DNMT3A: variants seen among roughly 807,000 people sequenced by gnomAD.
DNMT3A encodes DNA (cytosine-5)-methyltransferase 3A.
A neutral mutation model predicts 117.6 loss-of-function variants in DNMT3A; 267 were observed. That is an observed-to-expected ratio of 2.27 (90% CI 2.05 to 2.51). The LOEUF (loss-of-function observed/expected upper bound fraction) is 2.51, where lower values mean the gene tolerates loss of function less well. Among genes scored for constraint, DNMT3A ranks in the 30% most tolerant of loss-of-function variants. DNMT3A has a pLI of 0.00. For synonymous variants in DNMT3A, 432 were observed against 474.8 expected (o/e 0.91, Z 1.17); for missense variants, 1,029 against 1,260.2 (o/e 0.82, Z 2.78).
At chr2:25,274,812 A>G (rs2031258984) in intron 6 of DNMT3A, 129 bp downstream of exon 6, 1 of 1,316,668 alleles carries the variant, frequency 7.6e-7, no homozygotes, top group Non-Finnish European at 1.0e-6. Flanking sequence ...TGAACCAGTC[A>G]TCATGACTAG....
intron 6 of DNMT3A, among the ~76,000 whole-genome samples, chr2:25,249,193 A>C (rs1434740961): frequency 6.6e-6 from 1 of 152,132 alleles, no homozygotes; most frequent in Non-Finnish European, 1.5e-5. Context: ...GGAGTTCAAG[A>C]CCAGCCTGGG....
intron 2 of DNMT3A, among the ~76,000 whole-genome samples, chr2:25,302,402 AAAGAGGGCAATTT>A (rs1282490965): frequency 3.9e-5 from 6 of 152,226 alleles, no homozygotes; most frequent in African/African-American, 1.4e-4. Flanking sequence ...GAGAAGGACC[AAAGAGGGCAATTT>A]AAGGAGCACA....
At chr2:25,331,649 A>T (rs10196635) in intron 1 of DNMT3A, among the ~76,000 whole-genome samples, 13,773 of 152,234 alleles carry the variant, frequency 0.09, 665 homozygotes, top group East Asian at 0.1. Context: ...TCCCAATGCA[A>T]GGGTGCGAGC....
chr2:25,282,809 C>T lies in DNMT3A; in HGVS notation c.178-98G>A. The T allele has an allele frequency of 7.2e-7, 1 of 1,386,554 alleles. No homozygotes were observed. The highest frequency in any genetic ancestry group is 9.6e-7 in the Non-Finnish European group (1 of 1,039,010). The allele number at this position is 1,386,554 out of a possible 1,614,324, so 85.9% of individuals were successfully genotyped here. On this transcript the variant is annotated intron_variant, in intron 3 of 22. Coordinates refer to ENST00000321117, the MANE Select transcript of DNMT3A (RefSeq NM_022552.5). The surrounding 1 kb of genome is among the most constrained non-coding windows in gnomAD (Gnocchi z 5.2). ...CTCTGAAATTCTAGAGAATGTTATG[C>T]ACTTTCTGTCCAGAAACTGTGTTCA...
Position 25,237,993 on chromosome 2 carries a change from C to T in DNMT3A, c.2409-988G>A, listed in dbSNP as rs550047396. 5.1e-4 allele frequency among the ~76,000 whole-genome samples: 77 copies of T among 152,256 alleles called. No homozygotes were observed. The highest frequency in any genetic ancestry group is 9.6e-4 in the Non-Finnish European group (65 of 68,052). On this transcript the variant is annotated intron_variant, in intron 20 of 22. Coordinates refer to ENST00000321117, the MANE Select transcript of DNMT3A (RefSeq NM_022552.5). The surrounding 1 kb of genome is among the most constrained non-coding windows in gnomAD (Gnocchi z 5.4). ...GCCTGCAGTCAAATCAGGTGCTCGA[C>T]AGATGTCCCCGACTCTTTATGCGTG... is the stretch of plus-strand genomic sequence containing the variant.
chr2:25,249,799 C>T, intron 6 of DNMT3A: 1 of 1,537,500 alleles, frequency 6.5e-7, no homozygotes, highest in Non-Finnish European at 9.0e-7. Context: ...GGAAACACGG[C>T]CCTCTGACTT....
chr2:25,319,773 C>CT (rs1351746396), intron 1 of DNMT3A, among the ~76,000 whole-genome samples: 2,867 of 144,240 alleles, frequency 0.02, 34 homozygotes, highest in African/African-American at 0.029. Flanking sequence ...TTCTTTCTTT[C>CT]TTTTTTTTTT....
At chr2:25,308,794 A>C (rs1210882840) in intron 2 of DNMT3A, among the ~76,000 whole-genome samples, 1 of 152,196 alleles carries the variant, frequency 6.6e-6, no homozygotes, top group Non-Finnish European at 1.5e-5. Context: ...CGCGGGCAGC[A>C]AGAATGACTG....
At chr2:25,292,567 C>G (rs2032836374) in intron 3 of DNMT3A, among the ~76,000 whole-genome samples, 1 of 152,128 alleles carries the variant, frequency 6.6e-6, no homozygotes, top group Non-Finnish European at 1.5e-5. Flanking sequence ...CCTCTGCCCC[C>G]CAGCTGTGCT....
At chr2:25,288,467 A>T (rs938324593) in intron 3 of DNMT3A, among the ~76,000 whole-genome samples, 9 of 151,798 alleles carry the variant, frequency 5.9e-5, no homozygotes, top group South Asian at 2.1e-4. Context: ...GACTGCCACC[A>T]TGCCTGGCTA....
At chr2:25,242,082 C>T (rs1674139833) in intron 16 of DNMT3A, 1 of 241,026 alleles carries the variant, frequency 4.1e-6, no homozygotes. Flanking sequence ...AATTCTACCC[C>T]ACCCTTTGAC....
upstream of DNMT3A, among the ~76,000 whole-genome samples, chr2:25,342,199 G>A (rs2035491132): frequency 6.9e-6 from 1 of 145,740 alleles, no homozygotes; most frequent in South Asian, 2.1e-4. The surrounding 1 kb of genome is among the most constrained non-coding windows in gnomAD (Gnocchi z 5.9). Flanking sequence ...GGCGGGAGCG[G>A]CCTGGGCGCG....
At chr2:25,239,326 G>A in intron 19 of DNMT3A, 111 bp from the exon 20 acceptor site, 1 of 918,792 alleles carries the variant, frequency 1.1e-6, no homozygotes, top group Admixed American at 2.0e-5. Context: ...TCTCTCTCAG[G>A]AGCCACACAC....
Position 25,306,160 on chromosome 2 carries a change from G to A in DNMT3A, c.73-5917C>T, listed in dbSNP as rs1049397973. ...AGGCTCTGCAGAGCTACAGCCACAC[G>A]CTTGCGTACCCCAATGCCACACAGA... On this transcript the variant is annotated intron_variant, in intron 2 of 22. Transcript: ENST00000321117. The surrounding 1 kb of genome is among the most constrained non-coding windows in gnomAD (Gnocchi z 4.1). Among the ~76,000 whole-genome samples, 1 of 152,162 alleles carries A rather than the reference G, an allele frequency of 6.6e-6. No individual in the cohort carries two copies. Among genetic ancestry groups the A allele is most frequent in the Non-Finnish European group, 1.5e-5 (1 of 68,030 alleles).
chr2:25,328,224 C>T lies in DNMT3A; in HGVS notation c.-178+13602G>A, dbSNP rs17046967. On this transcript the variant is annotated intron_variant, in intron 1 of 22. Transcript: ENST00000321117. ...CTTAAAGCTATTATTTTTAAAAATCCGGTGATGCCAAAGATTTGCACACGT... is the reference window on the plus strand; with the variant it reads ...CTTAAAGCTATTATTTTTAAAAATCTGGTGATGCCAAAGATTTGCACACGT... 6.8e-3 allele frequency among the ~76,000 whole-genome samples: 1,035 copies of T among 152,286 alleles called. 16 individuals carry two copies. The highest frequency in any genetic ancestry group is 0.023 in the African/African-American group (942 of 41,542).
In DNMT3A at chr2:25,286,292, C is replaced by T. The variant is rs571724158; in HGVS notation, c.178-3581G>A. Among the ~76,000 whole-genome samples the T allele has an allele frequency of 2.0e-5, 3 of 152,342 alleles. No individual in the cohort carries two copies. The highest frequency in any genetic ancestry group is 2.1e-4 in the South Asian group (1 of 4,826). On this transcript the variant is annotated intron_variant, in intron 3 of 22. Transcript: ENST00000321117. This position sits in a 1 kb window ranked among gnomAD's most constrained non-coding sequence, Gnocchi z 4.3. ...GAGTAAGCCCTGCCCTGGCCTTGCC[C>T]GCGGACCCCAGTCTGCAACAGCACC...
rs746640483 is a variant in DNMT3A, at chr2:25,247,560, C to A, written c.1014+31G>T. ...CCCTGGGATCAAGAACCTTCCCCCACCCCAGGCTACTGCCAAACCCCACAA... is the reference window on the plus strand; with the variant it reads ...CCCTGGGATCAAGAACCTTCCCCCAACCCAGGCTACTGCCAAACCCCACAA... On this transcript the variant is annotated intron_variant, in intron 8 of 22. Coordinates refer to ENST00000321117, the MANE Select transcript of DNMT3A (RefSeq NM_022552.5). This position sits in a 1 kb window ranked among gnomAD's most constrained non-coding sequence, Gnocchi z 5.6. The A allele has an allele frequency of 1.2e-4, 199 of 1,607,952 alleles. No homozygotes were observed. Among genetic ancestry groups the A allele is most frequent in the Non-Finnish European group, 1.7e-4 (195 of 1,176,078 alleles).
chr2:25,313,471 G>A (rs758895243), intron 2 of DNMT3A, among the ~76,000 whole-genome samples: 20 of 152,160 alleles, frequency 1.3e-4, no homozygotes, highest in Non-Finnish European at 2.5e-4. Flanking sequence ...CGTGTCTGCC[G>A]TGCCCCACCC....
intron 6 of DNMT3A, among the ~76,000 whole-genome samples, chr2:25,256,852 C>T (rs1169764858): frequency 6.6e-6 from 1 of 152,184 alleles, no homozygotes; most frequent in Admixed American, 6.5e-5. Context: ...ATTAAATATT[C>T]CTAGAGGGCA....
Sources: gnomAD v4.1 joint callset for allele counts (sites outside exome capture counted in the v4.1 genomes callset) on GRCh38, gnomAD v4.1.1 for gene constraint, Gnocchi (gnomAD v3.1) non-coding constraint, MANE v1.5 for transcripts, NCBI Gene and HGNC (gene_info 2026-07-23, HGNC 2026-07-21) for gene names.